RPS6KA2: variants seen among roughly 807,000 people sequenced by gnomAD.
The protein encoded by RPS6KA2 is ribosomal protein S6 kinase A2.
Under a neutral mutation model 91.8 loss-of-function variants are expected in RPS6KA2, and 42 were observed. That is an observed-to-expected ratio of 0.46 (90% CI 0.36 to 0.59). RPS6KA2 has a LOEUF of 0.59. Among genes scored for constraint, RPS6KA2 ranks in the 20% least tolerant of loss-of-function variants. The pLI is 0.00. For synonymous variants in RPS6KA2, 414 were observed against 393.6 expected, an observed-to-expected ratio of 1.05 and a Z score of -0.61; for missense variants, 798 against 978.5, an observed-to-expected ratio of 0.82 and a Z score of 2.46.
chr6:166,854,807 C>G (rs1029248658), intron 2 of RPS6KA2, among the ~76,000 whole-genome samples: 1 of 152,142 alleles, frequency 6.6e-6, no homozygotes, highest in Non-Finnish European at 1.5e-5. Flanking sequence ...AAACTAAAAA[C>G]AGAACTACCA....
At chr6:166,556,720 C>T (rs1056410154) in intron 1 of RPS6KA2, among the ~76,000 whole-genome samples, 1 of 152,182 alleles carries the variant, frequency 6.6e-6, no homozygotes, top group African/African-American at 2.4e-5. Context: ...GTTACTGTTT[C>T]TCTGTGGAGC....
chr6:166,429,265 A>C (rs544676936), intron 16 of RPS6KA2, among the ~76,000 whole-genome samples: 2 of 122,342 alleles, frequency 1.6e-5, no homozygotes, highest in South Asian at 5.5e-4. Flanking sequence ...GAAGGGAAAC[A>C]TCATACTCTG....
intron 1 of RPS6KA2, among the ~76,000 whole-genome samples, chr6:166,591,894 G>A (rs1008155694): frequency 6.6e-6 from 1 of 152,186 alleles, no homozygotes; most frequent in African/African-American, 2.4e-5. Flanking sequence ...GAAGGCTGTG[G>A]ACAACAGCCC....
intron 11 of RPS6KA2, among the ~76,000 whole-genome samples, chr6:166,461,242 T>C (rs1780276648): frequency 6.6e-6 from 1 of 152,142 alleles, no homozygotes; most frequent in Non-Finnish European, 1.5e-5. Context: ...ACCGAGTTAC[T>C]CTTCAAGCCA....
At position 166,423,084 on chromosome 6, in the gene RPS6KA2, T is replaced by C. The variant is rs553891147; in HGVS notation, c.1743+172A>G. ...TAAGAACAACTACGTTTAAGCAAGA[T>C]TGGCCCCTGGCTCAAGAGACTGAAG... is the stretch of plus-strand genomic sequence containing the variant. On this transcript the variant is annotated intron_variant, in intron 17 of 20. Coordinates refer to ENST00000265678, the MANE Select transcript of RPS6KA2 (RefSeq NM_021135.6). The surrounding 1 kb of genome is among the most constrained non-coding windows in gnomAD (Gnocchi z 4.8). Among the ~76,000 whole-genome samples the C allele has an allele frequency of 1.6e-4, 25 of 152,358 alleles. No homozygotes were observed. Among genetic ancestry groups the C allele is most frequent in the Admixed American group, 1.1e-3 (17 of 15,302 alleles).
intron 2 of RPS6KA2, among the ~76,000 whole-genome samples, chr6:166,740,075 T>G (rs1790769418): frequency 6.6e-6 from 1 of 151,262 alleles, no homozygotes. Flanking sequence ...GGTGAGGAGC[T>G]GGTCCCTGAG....
At chr6:166,492,715 CTTTTCTTTTTT>C (rs1383643348) in intron 8 of RPS6KA2, among the ~76,000 whole-genome samples, 3 of 132,124 alleles carry the variant, frequency 2.3e-5, no homozygotes, top group Non-Finnish European at 4.8e-5. Context: ...ATTTCTTTTT[CTTTTCTTTTTT>C]TTTTTTTTTG....
intron 2 of RPS6KA2, among the ~76,000 whole-genome samples, chr6:166,788,666 T>C (rs1295247850): frequency 6.6e-6 from 1 of 151,940 alleles, no homozygotes; most frequent in Non-Finnish European, 1.5e-5. Context: ...GAGGGGAACA[T>C]CACACACCGG....
chr6:166,683,833 G>C (rs1183803770), intron 2 of RPS6KA2, among the ~76,000 whole-genome samples: 4 of 152,248 alleles, frequency 2.6e-5, no homozygotes, highest in African/African-American at 9.6e-5. Context: ...AGATACAGGA[G>C]AGAGCAGCTA....
chr6:166,799,995 TG>T (rs1338099237), intron 2 of RPS6KA2, among the ~76,000 whole-genome samples: 1 of 152,174 alleles, frequency 6.6e-6, no homozygotes, highest in Non-Finnish European at 1.5e-5. Context: ...GCCTGCCTGG[TG>T]GGGATTTGCT....
chr6:166,470,005 G>A (rs1780702100), intron 10 of RPS6KA2, 100 bp from the exon 11 acceptor site: 2 of 1,102,266 alleles, frequency 1.8e-6, no homozygotes, highest in Non-Finnish European at 2.8e-6. Flanking sequence ...TGCAGAGGTG[G>A]GGCCGTGGGA....
In RPS6KA2 at chr6:166,767,223, C is replaced by G. The variant is rs998861554; in HGVS notation, c.123+90977G>C. ...GCCCAGTTTTTAATGTCGCCTATCA[C>G]CTCCCCATGAGCAACGCCATCAAAA... On this transcript the variant is annotated intron_variant, in intron 2 of 21. Transcript: ENST00000503859. This position sits in a 1 kb window ranked among gnomAD's most constrained non-coding sequence, Gnocchi z 4.6. 1.3e-5 allele frequency among the ~76,000 whole-genome samples: 2 copies of G among 152,194 alleles called. No homozygotes were observed. Among genetic ancestry groups the G allele is most frequent in the Non-Finnish European group, 2.9e-5 (2 of 68,050 alleles).
chr6:166,447,401 T>C (rs1779714759), intron 14 of RPS6KA2, among the ~76,000 whole-genome samples: 1 of 152,232 alleles, frequency 6.6e-6, no homozygotes, highest in South Asian at 2.1e-4. Flanking sequence ...ATATTTAAAC[T>C]TTCTTTTTTT....
chr6:166,824,580 CTG>C (rs373634779), intron 2 of RPS6KA2, among the ~76,000 whole-genome samples: 57 of 149,162 alleles, frequency 3.8e-4, no homozygotes, highest in Admixed American at 8.6e-4. Flanking sequence ...GTGTCTGTGT[CTG>C]TGTGTGTGTG....
At position 166,770,860 on chromosome 6, in the gene RPS6KA2, T is replaced by C; in HGVS notation, c.123+87340A>G. 2 of 1,594,678 alleles carry C rather than the reference T, an allele frequency of 1.3e-6. No homozygotes were observed. The highest frequency in any genetic ancestry group is 1.7e-6 in the Non-Finnish European group (2 of 1,178,922). The stretch of plus-strand genomic sequence containing the variant: ...AAAACAAACCCACAGGAACGCTTCT[T>C]ACCTCTACGGATCCAGCTACCTTTG... On this transcript the variant is annotated intron_variant, in intron 2 of 21. Coordinates refer to the RPS6KA2 transcript ENST00000503859. The surrounding 1 kb of genome is among the most constrained non-coding windows in gnomAD (Gnocchi z 5.1).
At position 166,835,408 on chromosome 6, in the gene RPS6KA2, A is replaced by G. The variant is rs1342930915; in HGVS notation, c.123+22792T>C. On this transcript the variant is annotated intron_variant, in intron 2 of 21. Coordinates refer to the RPS6KA2 transcript ENST00000503859. ...CCTAACAACACTAAGTCTTCTGATCATGACCTTAGCCTGCATTATTCATTT... is the reference window on the plus strand; with the variant it reads ...CCTAACAACACTAAGTCTTCTGATCGTGACCTTAGCCTGCATTATTCATTT... 5.3e-5 allele frequency among the ~76,000 whole-genome samples: 8 copies of G among 152,232 alleles called. 1 individual carries two copies. The South Asian group carries it at 1.7e-3, about 31-fold the overall frequency.
In RPS6KA2 at chr6:166,762,568, C is replaced by T. The variant is rs559962551; in HGVS notation, c.123+95632G>A. On this transcript the variant is annotated intron_variant, in intron 2 of 21. Coordinates refer to the RPS6KA2 transcript ENST00000503859. ...GCTGATCTCGAATCACACAGGATCT[C>T]GCACTGGGCTGTAAGCCGGCACCAG... 5.3e-5 allele frequency among the ~76,000 whole-genome samples: 8 copies of T among 152,296 alleles called. No homozygotes were observed. In the South Asian group the frequency reaches 8.3e-4, roughly 16 times the overall value.
At chr6:166,674,946 G>A (rs1038128208) in intron 2 of RPS6KA2, among the ~76,000 whole-genome samples, 2 of 152,198 alleles carry the variant, frequency 1.3e-5, no homozygotes, top group Admixed American at 6.5e-5. Context: ...TGGGATTATA[G>A]GCATGAGCCA....
intron 1 of RPS6KA2, among the ~76,000 whole-genome samples, chr6:166,604,547 G>A (rs1046242964): frequency 6.6e-6 from 1 of 152,232 alleles, no homozygotes; most frequent in Admixed American, 6.5e-5. Context: ...ATCCCCAGCT[G>A]GGGGAGGTGG....
Sources: gnomAD v4.1 joint callset for allele counts (sites outside exome capture counted in the v4.1 genomes callset) on GRCh38, gnomAD v4.1.1 for gene constraint, Gnocchi (gnomAD v3.1) non-coding constraint, MANE v1.5 for transcripts, NCBI Gene and HGNC (gene_info 2026-07-23, HGNC 2026-07-21) for gene names.